Variants in APPL2 observed in about 807,000 individuals in gnomAD.
The protein encoded by APPL2 is DCC-interacting protein 13-beta.
A neutral mutation model predicts 92.7 loss-of-function variants in APPL2; 84 were observed. The ratio of observed to expected loss-of-function variants is 0.91; its 90% CI spans 0.76 to 1.09. The LOEUF (loss-of-function observed/expected upper bound fraction) is 1.09, where lower values mean the gene tolerates loss of function less well. Ranked by LOEUF, APPL2 falls within the 50% of genes least tolerant of loss-of-function variation. APPL2 has a pLI of 0.00. For missense variants in APPL2, 736 were observed against 824.5 expected, an observed-to-expected ratio of 0.89 and a Z score of 1.31; for synonymous variants, 291 against 291.0, an observed-to-expected ratio of 1.00 and a Z score of 0.00.
At chr12:105,208,480 G>A (rs1186419189) in intron 5 of APPL2, among the ~76,000 whole-genome samples, 1 of 152,144 alleles carries the variant, frequency 6.6e-6, no homozygotes, top group Non-Finnish European at 1.5e-5. Flanking sequence ...CCGGGGAGGT[G>A]GGCTGGACAG....
At chr12:105,219,589 T>C (rs1372132281) in intron 2 of APPL2, among the ~76,000 whole-genome samples, 1 of 152,220 alleles carries the variant, frequency 6.6e-6, no homozygotes, top group Non-Finnish European at 1.5e-5. Flanking sequence ...AGAAGATTCA[T>C]CTAAATTCCA....
intron 19 of APPL2, 171 bp from the exon 20 acceptor site, chr12:105,176,253 C>T (rs1243452688): frequency 1.7e-6 from 1 of 587,370 alleles, no homozygotes; most frequent in Non-Finnish European, 3.0e-6. Flanking sequence ...TTGCGTCCAA[C>T]TGTCCTGACC....
At chr12:105,201,364 C>T (rs1005878879) in intron 9 of APPL2, among the ~76,000 whole-genome samples, 1 of 152,070 alleles carries the variant, frequency 6.6e-6, no homozygotes, top group Non-Finnish European at 1.5e-5. Flanking sequence ...GAGAATGGAA[C>T]GTGGAAGACC....
At chr12:105,176,190 T>G (rs1885528419) in intron 19 of APPL2, 108 bp from the exon 20 acceptor site, 2 of 972,814 alleles carry the variant, frequency 2.1e-6, no homozygotes, top group Non-Finnish European at 3.1e-6. Flanking sequence ...CTGTTCCCAC[T>G]TGGGAACACA....
Position 105,176,934 on chromosome 12 carries a change from G to C in APPL2, c.1754C>G (p.Ser585Cys). The C allele has an allele frequency of 6.2e-7, 1 of 1,614,092 alleles. No homozygotes were observed. The highest frequency in any genetic ancestry group is 8.5e-7 in the Non-Finnish European group (1 of 1,180,000). ...LVGFVIRVPE[S>C]TGEESLSTYI... ...TGTACTCAGAGATTCTTCTCCAGTG[G>C]ATTCAGGAACACGGATGACAAAACC... Residue 585 changes from serine (S) to cysteine (C), a missense_variant, in exon 19 of 21, where the codon TCC becomes TGC. Coordinates refer to ENST00000258530, the MANE Select transcript of APPL2 (RefSeq NM_018171.5).
intron 17 of APPL2, among the ~76,000 whole-genome samples, chr12:105,187,425 T>G (rs886142310): frequency 6.6e-6 from 1 of 152,212 alleles, no homozygotes; most frequent in African/African-American, 2.4e-5. Context: ...ATAGTTACTT[T>G]CATTTTACAG....
At chr12:105,175,532 A>G (rs1331767540) in intron 20 of APPL2, among the ~76,000 whole-genome samples, 1 of 152,284 alleles carries the variant, frequency 6.6e-6, no homozygotes, top group African/African-American at 2.4e-5. Context: ...TTGCTGAACT[A>G]GAAGCCCCCT....
At chr12:105,178,346 C>T (rs1412566507) in intron 17 of APPL2, among the ~76,000 whole-genome samples, 2 of 152,064 alleles carry the variant, frequency 1.3e-5, no homozygotes, top group African/African-American at 2.4e-5. Context: ...ATGTCCAGAT[C>T]TATAGAGATG....
chr12:105,226,716 C>A (rs910502101), intron 2 of APPL2, among the ~76,000 whole-genome samples: 7 of 152,206 alleles, frequency 4.6e-5, no homozygotes, highest in Non-Finnish European at 8.8e-5. Flanking sequence ...CCAGTAAGAA[C>A]ATTCCTGTTT....
At chr12:105,217,231 G>A (rs927702579) in intron 3 of APPL2, 91 bp from the exon 4 acceptor site, 13 of 783,700 alleles carry the variant, frequency 1.7e-5, no homozygotes, top group Admixed American at 7.9e-5. Flanking sequence ...CCTCCACACC[G>A]ACGTCCTTTC....
chr12:105,227,450 T>C (rs941793527), intron 2 of APPL2, among the ~76,000 whole-genome samples: 14 of 152,200 alleles, frequency 9.2e-5, no homozygotes, highest in African/African-American at 2.4e-4. Context: ...AGAATTACAG[T>C]TGGGCATCCC....
chr12:105,207,599 T>G (rs1197513930), intron 7 of APPL2, among the ~76,000 whole-genome samples: 1 of 152,026 alleles, frequency 6.6e-6, no homozygotes, highest in Non-Finnish European at 1.5e-5. Flanking sequence ...TGCATGAAAA[T>G]AGTCAATATT....
At chr12:105,190,231 A>C in intron 14 of APPL2, 76 bp from the exon 15 acceptor site, 1 of 1,448,738 alleles carries the variant, frequency 6.9e-7, no homozygotes, top group East Asian at 2.3e-5. Flanking sequence ...GGCTGAGGTG[A>C]CTTTTATGAA....
chr12:105,222,976 G>C (rs1890220612), intron 2 of APPL2, among the ~76,000 whole-genome samples: 1 of 152,252 alleles, frequency 6.6e-6, no homozygotes, highest in Non-Finnish European at 1.5e-5. Context: ...CAGAGCAAGA[G>C]TGGAGGGTGT....
At chr12:105,218,051 T>C (rs536236060) in intron 2 of APPL2, among the ~76,000 whole-genome samples, 2 of 152,132 alleles carry the variant, frequency 1.3e-5, no homozygotes, top group South Asian at 4.2e-4. Flanking sequence ...GAGGCTGCAG[T>C]AAGCCATCAT....
chr12:105,215,412 G>A (rs569829284), intron 4 of APPL2, among the ~76,000 whole-genome samples: 1 of 152,234 alleles, frequency 6.6e-6, no homozygotes, highest in African/African-American at 2.4e-5. Flanking sequence ...AAGAGAATGA[G>A]TTTGTCTTTT....
chr12:105,231,224 T>TC (rs1357649902), intron 1 of APPL2, among the ~76,000 whole-genome samples: 8 of 152,204 alleles, frequency 5.3e-5, no homozygotes, highest in African/African-American at 1.4e-4. Flanking sequence ...TACTACTATG[T>TC]CCATTTAGCC....
chr12:105,215,469 T>C (rs967136303), intron 4 of APPL2, among the ~76,000 whole-genome samples: 4 of 152,232 alleles, frequency 2.6e-5, no homozygotes, highest in Admixed American at 2.6e-4. Flanking sequence ...AAAAATCATA[T>C]GACGTGTTCA....
At chr12:105,196,696 C>T (rs1431256143) in intron 11 of APPL2, among the ~76,000 whole-genome samples, 2 of 152,160 alleles carry the variant, frequency 1.3e-5, no homozygotes, top group Non-Finnish European at 2.9e-5. Context: ...CTGCCTCGGC[C>T]TCCCAAAGTG....
Sources: allele counts gnomAD v4.1 joint callset (sites outside exome capture counted in the v4.1 genomes callset), GRCh38; gene constraint gnomAD v4.1.1; transcripts MANE v1.5; gene names NCBI Gene and HGNC (gene_info 2026-07-23, HGNC 2026-07-21).